XRCC5: variants seen among roughly 807,000 people sequenced by gnomAD.
XRCC5 encodes the protein DNA repair protein Ku80.
A neutral mutation model predicts 95.7 loss-of-function variants in XRCC5; 12 were observed. That is an observed-to-expected ratio of 0.13 (90% confidence interval 0.08 to 0.20). The LOEUF (loss-of-function observed/expected upper bound fraction) is 0.20. Ranked by LOEUF, XRCC5 falls within the 10% of genes least tolerant of loss-of-function variation. XRCC5 has a pLI of 1.00. For synonymous variants in XRCC5, 281 were observed against 290.3 expected (o/e 0.97, Z 0.33); for missense variants, 595 against 873.9 (o/e 0.68, Z 4.02).
At chr2:216,122,424 T>A (rs1696826766) in intron 6 of XRCC5, among the ~76,000 whole-genome samples, 171 bp downstream of exon 6, 1 of 152,236 alleles carries the variant, frequency 6.6e-6, no homozygotes, top group Non-Finnish European at 1.5e-5. Flanking sequence ...TCACCCTTTT[T>A]AAAGTTTGTG....
chr2:216,152,637 CT>C (rs1310548458), intron 14 of XRCC5, among the ~76,000 whole-genome samples: 2 of 150,282 alleles, frequency 1.3e-5, no homozygotes, highest in African/African-American at 4.9e-5. Context: ...GCCCTGGATC[CT>C]TTTTTTTCTT....
intron 19 of XRCC5, among the ~76,000 whole-genome samples, chr2:216,196,590 G>T (rs1574435834): frequency 6.6e-6 from 1 of 152,166 alleles, no homozygotes; most frequent in Non-Finnish European, 1.5e-5. Context: ...AAATTGGCTT[G>T]TGTGATTGTA....
rs75098426 is a variant in XRCC5, at chr2:216,165,743, G to A, written c.1834+3695G>A. 2.8e-4 allele frequency among the ~76,000 whole-genome samples: 42 copies of A among 152,304 alleles called. No homozygotes were observed. In the East Asian group the frequency reaches 7.5e-3, roughly 27 times the overall value. ...TTTAAAATTCAGTTGTCAAAAGGGC[G>A]ATCAGCGATAGATAGTTGGTAAGAT... On this transcript the variant is annotated intron_variant, in intron 16 of 20. Transcript: ENST00000392132.
chr2:216,114,075 A>G (rs1202102390), intron 2 of XRCC5, among the ~76,000 whole-genome samples: 3 of 152,210 alleles, frequency 2.0e-5, no homozygotes, highest in Non-Finnish European at 2.9e-5. Context: ...TCCCATGTGT[A>G]AAATGAGAAT....
chr2:216,138,056 G>T, intron 11 of XRCC5, 33 bp from the exon 12 acceptor site: 2 of 1,523,958 alleles, frequency 1.3e-6, no homozygotes, highest in Middle Eastern at 1.7e-4. Context: ...TAATTTCATC[G>T]TTTCTGCTTT....
chr2:216,143,069 A>T (rs563163684), intron 13 of XRCC5, among the ~76,000 whole-genome samples: 1 of 152,386 alleles, frequency 6.6e-6, no homozygotes, highest in Admixed American at 6.5e-5. Flanking sequence ...ACAGTTGGGC[A>T]GAATCATCTG....
rs562979128 is a variant in XRCC5 at position 216,160,147 on chromosome 2, G to A, written c.1750G>A (p.Gly584Ser). ...AHFSVSSLAE[G>S]SVTSVGSVNP... Reference sequence around the variant, plus strand: ...CTTCAGCGTCTCCAGTCTGGCTGAAGGCAGTGTCACCTCTGTAAGCTAAGC... The same window carrying A: ...CTTCAGCGTCTCCAGTCTGGCTGAAAGCAGTGTCACCTCTGTAAGCTAAGC... Residue 584 changes from glycine to serine, a missense_variant, in exon 15 of 21, where the codon GGC becomes AGC. By Grantham distance (56) the Gly-to-Ser change is moderately conservative (BLOSUM62 0). Transcript: ENST00000392132. 6.2e-7 allele frequency: 1 copy of A among 1,607,840 alleles called. No individual in the cohort carries two copies. Among genetic ancestry groups the A allele is most frequent in the East Asian group, 2.2e-5 (1 of 44,482 alleles).
chr2:216,182,803 G>A (rs1351606514), intron 16 of XRCC5, among the ~76,000 whole-genome samples: 10 of 152,150 alleles, frequency 6.6e-5, no homozygotes, highest in Admixed American at 4.6e-4. Flanking sequence ...GTTAACTGCT[G>A]TATGCCCTAT....
chr2:216,169,052 C>CTGGGAAA (rs1411754517), intron 16 of XRCC5, among the ~76,000 whole-genome samples: 1 of 152,220 alleles, frequency 6.6e-6, no homozygotes, highest in Admixed American at 6.5e-5. Flanking sequence ...TGATGAAAGC[C>CTGGGAAA]TGGGAAAGGC....
chr2:216,204,208 G>A, intron 19 of XRCC5, 114 bp from the exon 20 acceptor site: 1 of 1,237,830 alleles, frequency 8.1e-7, no homozygotes. Context: ...CGTTGGCAGT[G>A]AGACTGCTAA....
At chr2:216,117,865 G>A in intron 4 of XRCC5, 71 bp downstream of exon 4, 1 of 1,454,062 alleles carries the variant, frequency 6.9e-7, no homozygotes, top group Non-Finnish European at 9.6e-7. Flanking sequence ...TGTATTGAAT[G>A]TATTTTGTGA....
rs1471000836 is a variant in XRCC5, at chr2:216,109,392, G to A, written c.-45G>A. On this transcript the variant is annotated 5_prime_UTR_variant, in exon 1 of 21. Transcript: ENST00000392132. ...CCGGAAGCGAGTTGCGACACGGCAG[G>A]TTCCCGCCCGGAAGAAGCGACCAAA... 6.2e-7 allele frequency: 1 copy of A among 1,613,164 alleles called. No homozygotes were observed. Among genetic ancestry groups the A allele is most frequent in the Non-Finnish European group, 8.5e-7 (1 of 1,179,614 alleles).
intron 8 of XRCC5, 92 bp from the exon 9 acceptor site, chr2:216,130,783 G>A: frequency 1.4e-6 from 1 of 730,034 alleles, no homozygotes; most frequent in Non-Finnish European, 2.3e-6. Flanking sequence ...TCTGGCGTGT[G>A]CGTGTGTTGT....
intron 1 of XRCC5, among the ~76,000 whole-genome samples, chr2:216,112,383 G>A (rs1297884945): frequency 6.6e-6 from 1 of 151,660 alleles, no homozygotes; most frequent in Non-Finnish European, 1.5e-5. Flanking sequence ...TGCTCCTCCT[G>A]TGTCTCTCAG....
chr2:216,202,448 ATGC>A (rs1220557192), intron 19 of XRCC5, among the ~76,000 whole-genome samples: 4 of 152,222 alleles, frequency 2.6e-5, no homozygotes, highest in African/African-American at 7.2e-5. Context: ...GATAAATCAT[ATGC>A]TAGTAAATGT....
chr2:216,183,486 G>T (rs1689430940), intron 16 of XRCC5, among the ~76,000 whole-genome samples: 1 of 152,122 alleles, frequency 6.6e-6, no homozygotes, highest in Admixed American at 6.5e-5. Flanking sequence ...GGTTTTAATT[G>T]AGTTTTTTAG....
At position 216,119,026 on chromosome 2, in the gene XRCC5, A is replaced by G; in HGVS notation, c.369-17A>G. 24 of 1,612,312 alleles carry G rather than the reference A, an allele frequency of 1.5e-5. No individual in the cohort carries two copies. Among genetic ancestry groups the G allele is most frequent in the Non-Finnish European group, 2.0e-5 (24 of 1,178,728 alleles). On this transcript the variant is annotated splice_polypyrimidine_tract_variant and intron_variant, in intron 4 of 20. Coordinates refer to ENST00000392132, the MANE Select transcript of XRCC5 (RefSeq NM_021141.4). ...TTCAGGAGAATGATTTCTTAATATGATAACTCTCTCTTTTAGAGGAAAGAA... is the reference window on the plus strand; with the variant it reads ...TTCAGGAGAATGATTTCTTAATATGGTAACTCTCTCTTTTAGAGGAAAGAA...
At chr2:216,157,928 T>C (rs1439004094) in intron 14 of XRCC5, among the ~76,000 whole-genome samples, 1 of 152,218 alleles carries the variant, frequency 6.6e-6, no homozygotes, top group Non-Finnish European at 1.5e-5. Flanking sequence ...CCACTTCACA[T>C]AGAGATTATG....
At chr2:216,155,654 A>G (rs984529488) in intron 14 of XRCC5, among the ~76,000 whole-genome samples, 25 of 152,218 alleles carry the variant, frequency 1.6e-4, no homozygotes, top group African/African-American at 5.8e-4. Flanking sequence ...AGTAACAGCC[A>G]CATGGACAGA....
Sources: allele counts gnomAD v4.1 joint callset (sites outside exome capture counted in the v4.1 genomes callset), GRCh38; gene constraint gnomAD v4.1.1; transcripts MANE v1.5; gene names NCBI Gene and HGNC (gene_info 2026-07-23, HGNC 2026-07-21).